Variants in PRR16 observed in about 807,000 individuals in gnomAD.
PRR16 encodes proline rich 16, also known as protein Largen.
PRR16 carries 6 observed loss-of-function variants against 18.2 expected under a neutral mutation model. The observed-to-expected ratio is 0.33, with a 90% confidence interval of 0.18 to 0.65. PRR16 has a LOEUF of 0.65. Among genes scored for constraint, PRR16 ranks in the 30% least tolerant of loss-of-function variants. The pLI, the probability that PRR16 is intolerant of heterozygous loss-of-function variation, is 0.74. For synonymous variants in PRR16, 151 were observed against 147.8 expected (o/e 1.02, Z -0.16); for missense variants, 412 against 376.6 (o/e 1.09, Z -0.78).
intron 1 of PRR16, among the ~76,000 whole-genome samples, chr5:120,544,569 A>G (rs1245934460): frequency 6.6e-6 from 1 of 152,180 alleles, no homozygotes; most frequent in Non-Finnish European, 1.5e-5. Flanking sequence ...ACTTTATACA[A>G]TAATATATAT....
At chr5:120,644,447 A>G (rs915220423) in intron 1 of PRR16, among the ~76,000 whole-genome samples, 20 of 152,234 alleles carry the variant, frequency 1.3e-4, no homozygotes, top group African/African-American at 3.4e-4. Flanking sequence ...TCTTATTAAA[A>G]GAACCTCATG....
At chr5:120,769,277 G>C in the PRR16 span, among the ~76,000 whole-genome samples, 1 of 151,786 alleles carries the variant, frequency 6.6e-6, no homozygotes, top group Admixed American at 6.6e-5. Context: ...CAAACACTAT[G>C]ATACCATCAC....
chr5:120,635,856 A>T (rs1755211069), intron 1 of PRR16, among the ~76,000 whole-genome samples: 1 of 152,110 alleles, frequency 6.6e-6, no homozygotes, highest in Non-Finnish European at 1.5e-5. Context: ...GTATGACTGT[A>T]TACCTAGAAA....
At chr5:120,788,602 G>C in the PRR16 span, among the ~76,000 whole-genome samples, 1 of 152,002 alleles carries the variant, frequency 6.6e-6, no homozygotes, top group Non-Finnish European at 1.5e-5. Flanking sequence ...GGCACCAATA[G>C]AGGCAAGCAA....
intron 1 of PRR16, among the ~76,000 whole-genome samples, chr5:120,562,414 CT>C (rs969457059): frequency 1.3e-5 from 2 of 151,906 alleles, no homozygotes; most frequent in African/African-American, 2.4e-5. Flanking sequence ...ATTACTGTGA[CT>C]TTTTTTATAT....
intron 1 of PRR16, among the ~76,000 whole-genome samples, chr5:120,589,805 A>G (rs897638240): frequency 3.3e-5 from 5 of 152,136 alleles, no homozygotes; most frequent in African/African-American, 1.2e-4. Context: ...GAATTATGGG[A>G]ATACAATTCA....
the PRR16 span, among the ~76,000 whole-genome samples, chr5:120,705,835 G>T: frequency 3.3e-5 from 5 of 151,990 alleles, no homozygotes; most frequent in African/African-American, 9.7e-5. Flanking sequence ...CTGGAGCCTG[G>T]TACAAGATGA....
the PRR16 span, among the ~76,000 whole-genome samples, chr5:120,781,066 T>C: frequency 6.6e-6 from 1 of 152,138 alleles, no homozygotes; most frequent in East Asian, 1.9e-4. Flanking sequence ...TCTATGTATC[T>C]ATCTAATTTT....
chr5:120,469,335 T>C (rs1749196135), intron 1 of PRR16, among the ~76,000 whole-genome samples: 1 of 152,228 alleles, frequency 6.6e-6, no homozygotes, highest in South Asian at 2.1e-4. Context: ...ATTTTCTTTT[T>C]GTTTGAGACA....
intron 1 of PRR16, among the ~76,000 whole-genome samples, chr5:120,603,048 G>A (rs1754037886): frequency 6.6e-6 from 1 of 152,042 alleles, no homozygotes; most frequent in Admixed American, 6.6e-5. Flanking sequence ...TCTCTGCCAA[G>A]TTTTAGTATC....
chr5:120,579,442 A>T (rs1753190878), intron 1 of PRR16, among the ~76,000 whole-genome samples: 1 of 152,118 alleles, frequency 6.6e-6, no homozygotes, highest in Non-Finnish European at 1.5e-5. Flanking sequence ...GGTGTAAGGG[A>T]GGGGTCCAGT....
chr5:120,708,702 C>T, the PRR16 span, among the ~76,000 whole-genome samples: 1 of 152,054 alleles, frequency 6.6e-6, no homozygotes, highest in African/African-American at 2.4e-5. Context: ...TTTCAGAACC[C>T]AATCCTACCA....
chr5:120,592,129 T>G (rs1171308925), intron 1 of PRR16, among the ~76,000 whole-genome samples: 1 of 151,324 alleles, frequency 6.6e-6, no homozygotes, highest in Admixed American at 6.6e-5. Flanking sequence ...TGTGTTGCAG[T>G]TTTGCCATAC....
At position 120,582,479 on chromosome 5, in the gene PRR16, A is replaced by AT. The variant is rs546853917; in HGVS notation, c.160-103467dup. ...AATAAATTAAAATTTATATACTCTT[A>AT]TTTTTTTTAAAAAAATAGAATAAGG... On this transcript the variant is annotated intron_variant, in intron 1 of 1. Transcript: ENST00000407149. Among the ~76,000 whole-genome samples, 600 of 151,898 alleles carry AT rather than the reference A, an allele frequency of 4.0e-3. 2 individuals are homozygous for AT. The highest frequency in any genetic ancestry group is 0.014 in the African/African-American group (575 of 41,514).
intron 1 of PRR16, among the ~76,000 whole-genome samples, chr5:120,579,379 T>G (rs1753187866): frequency 6.6e-6 from 1 of 152,154 alleles, no homozygotes; most frequent in Non-Finnish European, 1.5e-5. Context: ...GTTTTTATAG[T>G]TTTGGGTTAT....
chr5:120,531,496 T>A (rs1751550163), intron 1 of PRR16: 1 of 152,088 alleles, frequency 6.6e-6, no homozygotes, highest in South Asian at 2.1e-4. Context: ...TAATCCGTAA[T>A]GCCAGGCACT....
At chr5:120,783,450 G>C in the PRR16 span, among the ~76,000 whole-genome samples, 1 of 152,052 alleles carries the variant, frequency 6.6e-6, no homozygotes, top group East Asian at 1.9e-4. Context: ...TAGATAGGTA[G>C]AATGGCATCA....
At chr5:120,469,893 T>A (rs1749214154) in intron 1 of PRR16, among the ~76,000 whole-genome samples, 1 of 152,142 alleles carries the variant, frequency 6.6e-6, no homozygotes, top group African/African-American at 2.4e-5. Context: ...CATTCAACAC[T>A]TAGAGAATTA....
At chr5:120,750,319 T>C in the PRR16 span, among the ~76,000 whole-genome samples, 2 of 152,202 alleles carry the variant, frequency 1.3e-5, no homozygotes, top group South Asian at 2.1e-4. Context: ...AGTCAACCAA[T>C]ACTTTTACCC....
Sources: gnomAD v4.1 joint callset for allele counts (sites outside exome capture counted in the v4.1 genomes callset) on GRCh38, gnomAD v4.1.1 for gene constraint, MANE v1.5 for transcripts, NCBI Gene and HGNC (gene_info 2026-07-23, HGNC 2026-07-21) for gene names.